Variants in SYTL5 observed in about 807,000 individuals in gnomAD.
The protein encoded by SYTL5 is synaptotagmin like 5, also known as synaptotagmin-like protein 5.
SYTL5 carries 34 observed loss-of-function variants against 55.9 expected under a neutral mutation model. That is an observed-to-expected ratio of 0.61 (90% confidence interval 0.46 to 0.81). SYTL5 has a LOEUF of 0.81. SYTL5 is among the 30% of genes least tolerant of loss of function. SYTL5 has a pLI of 0.00. For missense variants in SYTL5, 637 were observed against 546.7 expected (o/e 1.17, Z -1.65); for synonymous variants, 221 against 188.7 (o/e 1.17, Z -1.40).
chrX:38,099,167 T>C (rs774166849), intron 9 of SYTL5, among the ~76,000 whole-genome samples: 1 of 111,300 alleles, frequency 9.0e-6, no homozygotes, highest in East Asian at 2.8e-4. Flanking sequence ...CTCTATAAAG[T>C]TGTGGGAGAA....
chrX:37,908,746 G>C, the SYTL5 span, among the ~76,000 whole-genome samples: 1 of 111,290 alleles, frequency 9.0e-6, no homozygotes, highest in Admixed American at 9.5e-5. Context: ...GTGTGTGTGT[G>C]TGTAATCTCA....
At chrX:38,003,661 T>G (rs1379260631), upstream of SYTL5, among the ~76,000 whole-genome samples, 1 of 111,573 alleles carries the variant, frequency 9.0e-6, no homozygotes, top group Non-Finnish European at 1.9e-5. Context: ...CCAAGGTAAT[T>G]TATAGATTCA....
At position 38,073,589 on chromosome X, in the gene SYTL5, G is replaced by A; in HGVS notation, c.446-1G>A. On this transcript the variant is annotated splice_acceptor_variant, in intron 4 of 16. Coordinates refer to ENST00000297875, the MANE Select transcript of SYTL5 (RefSeq NM_138780.3). LOFTEE classifies it high-confidence loss of function. ...TTCTCTTCTGATTGTTTGTTAATGAGGAGCTGAAGAAGTACAGAGCCAAGA... is the reference window on the plus strand; with the variant it reads ...TTCTCTTCTGATTGTTTGTTAATGAAGAGCTGAAGAAGTACAGAGCCAAGA... 1.7e-6 allele frequency: 2 copies of A among 1,163,322 alleles called. No individual in the cohort carries two copies. The highest frequency in any genetic ancestry group is 2.3e-6 in the Non-Finnish European group (2 of 867,047).
At chrX:38,020,729 G>T (rs1384930909) in intron 1 of SYTL5, among the ~76,000 whole-genome samples, 1 of 109,661 alleles carries the variant, frequency 9.1e-6, no homozygotes, top group Non-Finnish European at 1.9e-5. Flanking sequence ...ATGACGTATT[G>T]CTTAACTTCA....
At chrX:38,080,844 C>T (rs1386408307) in intron 6 of SYTL5, among the ~76,000 whole-genome samples, 1 of 111,600 alleles carries the variant, frequency 9.0e-6, no homozygotes, top group Non-Finnish European at 1.9e-5. Context: ...TAGGTGGCAG[C>T]CTCTTACTAG....
intron 1 of SYTL5, among the ~76,000 whole-genome samples, chrX:38,016,165 A>T (rs1249652108): frequency 8.9e-6 from 1 of 111,981 alleles, no homozygotes; most frequent in Non-Finnish European, 1.9e-5. Flanking sequence ...TTATTGTTAT[A>T]TTTTTAATGT....
Position 38,043,661 on chromosome X carries a change from G to GTATATATATATA in SYTL5, c.119+9672_119+9683dup, listed in dbSNP as rs35312093. 6.9e-3 allele frequency among the ~76,000 whole-genome samples: 344 copies of GTATATATATATA among 49,993 alleles called. 19 individuals carry two copies. The highest frequency in any genetic ancestry group is 0.065 in the East Asian group (80 of 1,224). 43.4% of individuals were successfully genotyped at this position (49,993 alleles called of 115,157 possible). On this transcript the variant is annotated intron_variant, in intron 2 of 16. Transcript: ENST00000297875. ...CTGTAACTTTTATGTATGTATGTATGTATATATATATATATATATATATAT... is the reference window on the plus strand; with the variant it reads ...CTGTAACTTTTATGTATGTATGTATGTATATATATATATATATATATATATATATATATATAT...
the SYTL5 span, among the ~76,000 whole-genome samples, chrX:37,919,323 G>A: frequency 2.7e-5 from 3 of 111,495 alleles, no homozygotes; most frequent in Admixed American, 1.9e-4. Flanking sequence ...TTCTAATTAC[G>A]TTGGACACTA....
chrX:37,977,139 A>C, the SYTL5 span, among the ~76,000 whole-genome samples: 2 of 111,717 alleles, frequency 1.8e-5, no homozygotes, highest in Admixed American at 1.9e-4. Context: ...AGCACAGTAG[A>C]TGAAAAAAGG....
chrX:37,940,705 G>C, the SYTL5 span, among the ~76,000 whole-genome samples: 45 of 108,729 alleles, frequency 4.1e-4, no homozygotes, highest in African/African-American at 1.5e-3. Flanking sequence ...AAATTTATTG[G>C]AAGTCAGTAA....
chrX:38,030,739 C>G (rs1266666554), intron 1 of SYTL5, among the ~76,000 whole-genome samples: 1 of 112,144 alleles, frequency 8.9e-6, no homozygotes, highest in Non-Finnish European at 1.9e-5. Context: ...AATGGTGAAG[C>G]CTTTGATGCT....
the SYTL5 span, among the ~76,000 whole-genome samples, chrX:38,000,742 G>A: frequency 5.4e-5 from 6 of 112,147 alleles, no homozygotes; most frequent in African/African-American, 1.6e-4. Flanking sequence ...GAACGAGTGC[G>A]AGGTTTTATT....
At chrX:37,909,289 T>A in the SYTL5 span, among the ~76,000 whole-genome samples, 2 of 112,034 alleles carry the variant, frequency 1.8e-5, no homozygotes, top group East Asian at 5.6e-4. Flanking sequence ...TGGTGGGAGA[T>A]CAGATAAGCA....
At chrX:37,926,914 C>T in the SYTL5 span, among the ~76,000 whole-genome samples, 3 of 111,907 alleles carry the variant, frequency 2.7e-5, no homozygotes, top group African/African-American at 9.7e-5. Context: ...TTTGATATAA[C>T]TTATAGAGAC....
At chrX:37,978,444 C>T in the SYTL5 span, among the ~76,000 whole-genome samples, 1 of 111,748 alleles carries the variant, frequency 8.9e-6, no homozygotes, top group African/African-American at 3.3e-5. Flanking sequence ...AGAAATGAAC[C>T]GCAGTAGTTC....
Position 38,033,870 on chromosome X carries a change from A to G in SYTL5, c.-20A>G. 2 of 994,340 alleles carry G rather than the reference A, an allele frequency of 2.0e-6. No individual in the cohort carries two copies. The highest frequency in any genetic ancestry group is 2.8e-6 in the Non-Finnish European group (2 of 706,124). The allele number at this position is 994,340 out of a possible 1,213,427, so 81.9% of individuals were successfully genotyped here. ...CTTGAAGATTCAACCACTGCTACTC[A>G]GAGCTGCTGCTGAAATACCATGTCT... On this transcript the variant is annotated 5_prime_UTR_variant, in exon 2 of 17. Coordinates refer to ENST00000297875, the MANE Select transcript of SYTL5 (RefSeq NM_138780.3).
At chrX:38,012,761 A>G (rs1934227646) in intron 1 of SYTL5, among the ~76,000 whole-genome samples, 1 of 111,887 alleles carries the variant, frequency 8.9e-6, no homozygotes, top group African/African-American at 3.2e-5. Flanking sequence ...AATTTTTGAA[A>G]TTGATTTCAT....
chrX:38,111,637 G>T (rs1937361825), intron 13 of SYTL5, among the ~76,000 whole-genome samples: 1 of 112,112 alleles, frequency 8.9e-6, no homozygotes, highest in Non-Finnish European at 1.9e-5. Context: ...TCCCTGACTA[G>T]CTCCAAGCAT....
the SYTL5 span, among the ~76,000 whole-genome samples, chrX:37,987,021 A>G: frequency 1.8e-5 from 2 of 111,207 alleles, no homozygotes; most frequent in Non-Finnish European, 3.8e-5. Context: ...CATACTTACT[A>G]GCTTTCATTT....
Sources: allele counts gnomAD v4.1 joint callset (sites outside exome capture counted in the v4.1 genomes callset), GRCh38; gene constraint gnomAD v4.1.1; transcripts MANE v1.5; gene names NCBI Gene and HGNC (gene_info 2026-07-23, HGNC 2026-07-21).